The following MOBP variants were observed in gnomAD, a reference collection of about 807,000 sequenced individuals.
MOBP encodes the protein myelin associated oligodendrocyte basic protein, also known as myelin-associated oligodendrocyte basic protein.
In MOBP, 5 loss-of-function variants were observed where a neutral mutation model predicts 15.0. That is an observed-to-expected ratio of 0.33 (90% CI 0.17 to 0.70). MOBP has a LOEUF of 0.70. MOBP is among the 30% of genes least tolerant of loss of function. The pLI is 0.67. For missense variants in MOBP, 188 were observed against 257.8 expected (o/e 0.73, Z 1.85); for synonymous variants, 88 against 99.0 (o/e 0.89, Z 0.66).
exon 5 of MOBP, chr3:39,515,615 T>G (rs1296915244): frequency 6.6e-6 from 1 of 152,202 alleles, no homozygotes; most frequent in African/African-American, 2.4e-5. Context: ...ATTTTTTCTT[T>G]TTGTGCGTAT....
downstream of MOBP, among the ~76,000 whole-genome samples, chr3:39,506,639 GC>G (rs1317765138): frequency 6.6e-6 from 1 of 152,204 alleles, no homozygotes; most frequent in Non-Finnish European, 1.5e-5. Flanking sequence ...AGCCAACGCT[GC>G]TTCAAGGATG....
chr3:39,509,084 G>A (rs1379291712), intron 4 of MOBP, among the ~76,000 whole-genome samples: 1 of 61,466 alleles, frequency 1.6e-5, no homozygotes, highest in Non-Finnish European at 3.1e-5. Flanking sequence ...ATGTGTGTGA[G>A]AGTGTTTGTG....
chr3:39,500,195 TA>T (rs2042949828), intron 2 of MOBP: 2 of 405,690 alleles, frequency 4.9e-6, no homozygotes, highest in Non-Finnish European at 9.9e-6. Context: ...TCTAATCACT[TA>T]CTTGCCTGTA....
chr3:39,474,145 T>G (rs1010459194), intron 1 of MOBP, among the ~76,000 whole-genome samples: 3 of 152,242 alleles, frequency 2.0e-5, no homozygotes, highest in Admixed American at 2.0e-4. Context: ...ACAAGGGATT[T>G]GAGAGTTCCT....
intron 4 of MOBP, among the ~76,000 whole-genome samples, chr3:39,513,188 C>T (rs182678530): frequency 3.3e-5 from 5 of 152,052 alleles, no homozygotes; most frequent in Admixed American, 6.5e-5. Flanking sequence ...TTCCTAGGCT[C>T]GGGCCAAGAA....
At chr3:39,510,870 A>G (rs2043111041) in intron 4 of MOBP, among the ~76,000 whole-genome samples, 1 of 152,234 alleles carries the variant, frequency 6.6e-6, no homozygotes, top group Admixed American at 6.5e-5. Flanking sequence ...TTCTTGCCAA[A>G]TTGGCTCTCT....
intron 2 of MOBP, among the ~76,000 whole-genome samples, chr3:39,497,418 G>A (rs898346325): frequency 4.6e-5 from 7 of 152,080 alleles, no homozygotes; most frequent in Non-Finnish European, 8.8e-5. Flanking sequence ...CCCACCCCTG[G>A]GTCCATCTCT....
chr3:39,472,449 T>C (rs762152767), intron 1 of MOBP, among the ~76,000 whole-genome samples: 10 of 152,208 alleles, frequency 6.6e-5, no homozygotes, highest in African/African-American at 9.7e-5. Flanking sequence ...TATTTAATAT[T>C]GAGGAACTCA....
chr3:39,503,083 G>T, downstream of MOBP: 1 of 492,716 alleles, frequency 2.0e-6, no homozygotes, highest in South Asian at 4.3e-5. Flanking sequence ...ACTTCAGGTG[G>T]CTGTGGCCAT....
chr3:39,468,880 TATG>T (rs1295182457), intron 1 of MOBP, among the ~76,000 whole-genome samples: 2 of 114,972 alleles, frequency 1.7e-5, no homozygotes, highest in Non-Finnish European at 3.3e-5. Flanking sequence ...CATATATACA[TATG>T]TGTGTGTATA....
At chr3:39,520,273 T>G (rs1180014925), downstream of MOBP, among the ~76,000 whole-genome samples, 1 of 152,208 alleles carries the variant, frequency 6.6e-6, no homozygotes, top group Admixed American at 6.5e-5. Context: ...CACAGTTACA[T>G]TAGATTATGT....
rs754856552 is a variant in MOBP, at chr3:39,502,085, G to A, written c.16G>A (p.Ala6Thr). The A allele has an allele frequency of 3.4e-5, 55 of 1,613,940 alleles. 1 individual carries two copies. In the South Asian group the frequency reaches 5.6e-4, roughly 16 times the overall value. The change falls in exon 3 of 4, where the codon GCC becomes ACC. Residue 6 changes from alanine to threonine, a missense_variant. By Grantham distance (58) the Ala-to-Thr change is moderately conservative. Coordinates refer to ENST00000684792, the MANE Select transcript of MOBP (RefSeq NM_001393704.1). The surrounding 1 kb of genome is among the most constrained non-coding windows in gnomAD (Gnocchi z 6.3). MSQKPAKEGPRLSKNQ... is the reference protein window; with the variant it reads MSQKPTKEGPRLSKNQ... ...TTCCAGTGAGATGAGTCAGAAACCG[G>A]CCAAGGAGGGTCCCAGACTCTCCAA...
chr3:39,500,045 G>A (rs1313200925), intron 2 of MOBP: 1 of 456,144 alleles, frequency 2.2e-6, no homozygotes, highest in Admixed American at 2.3e-5. Context: ...ACTGATGTCT[G>A]TGGACATTCC....
At chr3:39,483,906 A>C (rs529967674) in intron 2 of MOBP, among the ~76,000 whole-genome samples, 6 of 152,232 alleles carry the variant, frequency 3.9e-5, no homozygotes, top group African/African-American at 1.4e-4. Context: ...CGAGTCCTAC[A>C]TAACATCCCA....
intron 2 of MOBP, among the ~76,000 whole-genome samples, chr3:39,495,193 A>G (rs1399725041): frequency 6.6e-6 from 1 of 152,224 alleles, no homozygotes; most frequent in Non-Finnish European, 1.5e-5. Flanking sequence ...AATTTGAACA[A>G]CTGTTGGAGT....
chr3:39,472,375 T>C (rs1575280869), intron 1 of MOBP, among the ~76,000 whole-genome samples: 1 of 152,200 alleles, frequency 6.6e-6, no homozygotes, highest in South Asian at 2.1e-4. Flanking sequence ...CTGGATGACA[T>C]AGATTAACTT....
At chr3:39,511,768 C>T (rs2043122535) in intron 4 of MOBP, among the ~76,000 whole-genome samples, 1 of 152,078 alleles carries the variant, frequency 6.6e-6, no homozygotes, top group South Asian at 2.1e-4. Context: ...CAGGGCCTGG[C>T]TGATGATGTT....
At chr3:39,485,346 CTGTGTAAA>C (rs1484337749) in intron 2 of MOBP, among the ~76,000 whole-genome samples, 5 of 152,154 alleles carry the variant, frequency 3.3e-5, no homozygotes, top group African/African-American at 1.2e-4. Context: ...TTGTTTTTTA[CTGTGTAAA>C]TCTACACTCA....
downstream of MOBP, among the ~76,000 whole-genome samples, chr3:39,504,366 A>C (rs1028702003): frequency 1.3e-5 from 2 of 152,246 alleles, no homozygotes; most frequent in South Asian, 4.1e-4. Context: ...GCTGGAGTTC[A>C]ATCAGGACAT....
Sources: gnomAD v4.1 joint callset for allele counts (sites outside exome capture counted in the v4.1 genomes callset) on GRCh38, gnomAD v4.1.1 for gene constraint, Gnocchi (gnomAD v3.1) non-coding constraint, MANE v1.5 for transcripts, NCBI Gene and HGNC (gene_info 2026-07-23, HGNC 2026-07-21) for gene names.